Variants in DNAH7 observed in about 807,000 individuals in gnomAD.
DNAH7 encodes the protein dynein axonemal heavy chain 7.
DNAH7 carries 397 observed loss-of-function variants against 444.6 expected under a neutral mutation model. The ratio of observed to expected loss-of-function variants is 0.89; its 90% confidence interval spans 0.82 to 0.97. The LOEUF is 0.97. DNAH7 is among the 50% of genes least tolerant of loss of function. The pLI, the probability that DNAH7 is intolerant of heterozygous loss-of-function variation, is 0.00. For missense variants in DNAH7, 4,902 were observed against 4,800.8 expected (o/e 1.02, Z -0.62); for synonymous variants, 1,636 against 1,624.4 (o/e 1.01, Z -0.17).
chr2:196,043,046 G>A (rs1374857685), intron 5 of DNAH7, among the ~76,000 whole-genome samples: 3 of 152,072 alleles, frequency 2.0e-5, no homozygotes, highest in Non-Finnish European at 4.4e-5. Context: ...GATTACCTGG[G>A]GCAACCAGTG....
chr2:195,938,264 TA>T (rs956543148), intron 19 of DNAH7, among the ~76,000 whole-genome samples: 5 of 151,922 alleles, frequency 3.3e-5, no homozygotes, highest in African/African-American at 1.2e-4. Flanking sequence ...ATAATATAAT[TA>T]GATCAATTTA....
intron 61 of DNAH7, among the ~76,000 whole-genome samples, chr2:195,769,717 T>A (rs533060720): frequency 2.0e-4 from 30 of 152,312 alleles, no homozygotes; most frequent in African/African-American, 7.0e-4. Flanking sequence ...TTGTCCAGCT[T>A]CTTTCTTTGG....
At position 195,858,619 on chromosome 2, in the gene DNAH7, T is replaced by C; in HGVS notation, c.7922A>G (p.Glu2641Gly). 1 of 1,614,054 alleles carries C rather than the reference T, an allele frequency of 6.2e-7. No homozygotes were observed. The highest frequency in any genetic ancestry group is 8.5e-7 in the Non-Finnish European group (1 of 1,179,948). The change falls in exon 43 of 65, where the codon GAA (glutamate) becomes GGA (glycine). Residue 2641 changes from glutamate to glycine, a missense_variant. Coordinates refer to ENST00000312428, the MANE Select transcript of DNAH7 (RefSeq NM_018897.3). ...TGTTTCATCAGCTTTCACTATTTTTTCAGTTTTGGCAACTTCTACAGACTC... is the reference window on the plus strand; with the variant it reads ...TGTTTCATCAGCTTTCACTATTTTTCCAGTTTTGGCAACTTCTACAGACTC... ...EKESVEVAKT[E>G]KIVKADETIA... is the part of the protein sequence containing the mutation.
At chr2:195,810,824 A>T (rs1249418199) in intron 51 of DNAH7, among the ~76,000 whole-genome samples, 2 of 152,194 alleles carry the variant, frequency 1.3e-5, no homozygotes, top group Non-Finnish European at 2.9e-5. Flanking sequence ...CTTAAAATAA[A>T]CATACTATTT....
At chr2:195,897,450 C>A (rs191309940) in intron 29 of DNAH7, among the ~76,000 whole-genome samples, 12 of 152,194 alleles carry the variant, frequency 7.9e-5, no homozygotes, top group Non-Finnish European at 1.5e-4. Context: ...TTATTTTCTG[C>A]AGTAACAAAC....
At chr2:195,904,627 A>C (rs1686904780) in intron 27 of DNAH7, 1 of 152,184 alleles carries the variant, frequency 6.6e-6, no homozygotes, top group South Asian at 2.1e-4. Context: ...ATTCATTATA[A>C]TGAATTTCAA....
At chr2:195,836,296 C>T (rs1387601581) in intron 47 of DNAH7, among the ~76,000 whole-genome samples, 2 of 152,094 alleles carry the variant, frequency 1.3e-5, no homozygotes, top group Non-Finnish European at 2.9e-5. Context: ...GTGGACAGAT[C>T]ACTTAAGCCC....
chr2:195,977,358 C>T (rs914482395), intron 15 of DNAH7, among the ~76,000 whole-genome samples: 1 of 152,150 alleles, frequency 6.6e-6, no homozygotes. Flanking sequence ...AATTGACATA[C>T]TGAAGAATGC....
rs775976183 is a variant in DNAH7 at position 195,857,617 on chromosome 2, G to A, written c.8174C>T (p.Pro2725Leu). The A allele has an allele frequency of 1.2e-6, 2 of 1,613,792 alleles. No individual in the cohort carries two copies. Among genetic ancestry groups the A allele is most frequent in the East Asian group, 4.5e-5 (2 of 44,854 alleles). ...KGIKADKIPD[P>L]TGSGKKIEDF... ...CTCAATTTTTTTCCCTGAACCTGTT[G>A]GGTCAGGGATTTTGTCAGCTTTGAT... The change falls in exon 44 of 65, where the codon CCA (proline) becomes CTA (leucine). Residue 2725 changes from proline to leucine, a missense_variant. Coordinates refer to ENST00000312428, the MANE Select transcript of DNAH7 (RefSeq NM_018897.3).
chr2:195,914,218 ATC>A (rs1228844406), intron 24 of DNAH7, among the ~76,000 whole-genome samples: 1 of 152,224 alleles, frequency 6.6e-6, no homozygotes, highest in East Asian at 1.9e-4. Flanking sequence ...GAAACTCTAT[ATC>A]TTTTCTCTAT....
At chr2:195,977,820 C>A (rs887945052) in intron 15 of DNAH7, among the ~76,000 whole-genome samples, 1 of 152,100 alleles carries the variant, frequency 6.6e-6, no homozygotes, top group African/African-American at 2.4e-5. Flanking sequence ...AACCTTACCA[C>A]CCAGCAAAGA....
At chr2:195,902,173 T>C (rs1220676889) in intron 27 of DNAH7, 3 of 152,198 alleles carry the variant, frequency 2.0e-5, no homozygotes, top group South Asian at 2.1e-4. Context: ...TGATCTGTTA[T>C]GACTCTTCTA....
intron 19 of DNAH7, among the ~76,000 whole-genome samples, chr2:195,940,452 G>C (rs1159327211): frequency 6.6e-6 from 1 of 152,118 alleles, no homozygotes; most frequent in Non-Finnish European, 1.5e-5. Flanking sequence ...ATACCATTCA[G>C]GATACAGGCA....
At chr2:196,012,667 A>C in intron 10 of DNAH7, 120 bp downstream of exon 10, 1 of 1,011,056 alleles carries the variant, frequency 9.9e-7, no homozygotes, top group Non-Finnish European at 1.4e-6. Context: ...TATTATATTT[A>C]AATCATGTAG....
chr2:195,947,169 G>T (rs1011138552), intron 19 of DNAH7, among the ~76,000 whole-genome samples: 1 of 148,118 alleles, frequency 6.8e-6, no homozygotes, highest in African/African-American at 2.5e-5. Flanking sequence ...TATATATATA[G>T]TATTTTTAGT....
intron 49 of DNAH7, 42 bp from the exon 50 acceptor site, chr2:195,817,871 GT>G: frequency 6.9e-7 from 1 of 1,450,318 alleles, no homozygotes; most frequent in Non-Finnish European, 9.3e-7. Context: ...CATTATTTCT[GT>G]TAAAAAGTCT....
chr2:195,741,418 T>C (rs1457673108), intron 63 of DNAH7, among the ~76,000 whole-genome samples: 2 of 152,212 alleles, frequency 1.3e-5, no homozygotes, highest in East Asian at 3.8e-4. Context: ...TAGAATGTCA[T>C]GTTGTACACT....
chr2:195,977,023 G>A (rs983751204), intron 15 of DNAH7, among the ~76,000 whole-genome samples: 1 of 152,164 alleles, frequency 6.6e-6, no homozygotes, highest in African/African-American at 2.4e-5. Flanking sequence ...TTCTCAAGAA[G>A]GAAGGGTACA....
At position 195,740,663 on chromosome 2, in the gene DNAH7, A is replaced by G. The variant is rs1692973270; in HGVS notation, c.11868+103T>C. The G allele has an allele frequency of 9.9e-6, 2 of 202,216 alleles. 1 individual carries two copies. Among genetic ancestry groups the G allele is most frequent in the African/African-American group, 5.8e-5 (2 of 34,210 alleles). 12.5% of individuals were successfully genotyped at this position (202,216 alleles called of 1,614,324 possible). On this transcript the variant is annotated intron_variant, in intron 64 of 64. Transcript: ENST00000312428. ...TATATATACATATACACACACACATATGTATACACATATATACACACAATA... is the reference window on the plus strand; with the variant it reads ...TATATATACATATACACACACACATGTGTATACACATATATACACACAATA...
Sources: allele counts gnomAD v4.1 joint callset (sites outside exome capture counted in the v4.1 genomes callset), GRCh38; gene constraint gnomAD v4.1.1; transcripts MANE v1.5; gene names NCBI Gene and HGNC (gene_info 2026-07-23, HGNC 2026-07-21).